RIN2: variants seen among roughly 807,000 people sequenced by gnomAD.
RIN2 encodes Ras and Rab interactor 2.
Under a neutral mutation model 78.0 loss-of-function variants are expected in RIN2, and 36 were observed. The observed-to-expected ratio is 0.46, with a 90% confidence interval of 0.35 to 0.61. The LOEUF (loss-of-function observed/expected upper bound fraction) is 0.61. Ranked by LOEUF, RIN2 falls within the 20% of genes least tolerant of loss-of-function variation. RIN2 has a pLI of 0.00. For missense variants in RIN2, 1,087 were observed against 1,159.7 expected (o/e 0.94, Z 0.91); for synonymous variants, 466 against 466.8 (o/e 1.00, Z 0.02).
chr20:19,805,443 C>G (rs1307086140), intron 2 of RIN2, among the ~76,000 whole-genome samples: 1 of 152,142 alleles, frequency 6.6e-6, no homozygotes, highest in Non-Finnish European at 1.5e-5. Flanking sequence ...ACTCTGTCAC[C>G]CAGGCTGGAG....
At chr20:19,830,842 C>T (rs557769534) in intron 2 of RIN2, among the ~76,000 whole-genome samples, 2 of 152,314 alleles carry the variant, frequency 1.3e-5, no homozygotes, top group South Asian at 4.1e-4. Context: ...CCCAGGGATA[C>T]CCACATCCAG....
At chr20:19,829,132 A>G (rs908075116) in intron 2 of RIN2, among the ~76,000 whole-genome samples, 4 of 152,090 alleles carry the variant, frequency 2.6e-5, no homozygotes, top group African/African-American at 9.7e-5. Context: ...CACCTATATG[A>G]TGGGACGCTT....
chr20:19,908,761 CAG>C (rs760874458), intron 3 of RIN2, among the ~76,000 whole-genome samples: 18 of 152,138 alleles, frequency 1.2e-4, no homozygotes, highest in Non-Finnish European at 2.5e-4. Context: ...CCATTCTGTT[CAG>C]AGATTTGTGG....
chr20:19,806,098 A>AT (rs1276989110), intron 2 of RIN2, among the ~76,000 whole-genome samples: 1 of 151,996 alleles, frequency 6.6e-6, no homozygotes, highest in African/African-American at 2.4e-5. Flanking sequence ...TGTGCACCAC[A>AT]TTTTCTTTAT....
intron 1 of RIN2, among the ~76,000 whole-genome samples, chr20:19,782,215 A>G (rs935428500): frequency 2.0e-5 from 3 of 152,186 alleles, no homozygotes; most frequent in East Asian, 1.9e-4. Context: ...GATCAAGCCT[A>G]TATGTTCCTT....
intron 2 of RIN2, among the ~76,000 whole-genome samples, chr20:19,851,019 AAGG>A (rs1220703600): frequency 1.3e-4 from 16 of 120,156 alleles, no homozygotes; most frequent in African/African-American, 6.1e-4. Context: ...GGAAGGAAGG[AAGG>A]AAGGAAGGAA....
At chr20:19,899,567 A>G (rs1225203598) in intron 3 of RIN2, among the ~76,000 whole-genome samples, 2 of 152,216 alleles carry the variant, frequency 1.3e-5, no homozygotes, top group African/African-American at 2.4e-5. Flanking sequence ...CCTCAAGCTC[A>G]AGGTCACTAT....
rs368726153 is a variant in RIN2 at position 19,862,189 on chromosome 20, AAC to A, written c.-36-27375_-36-27374del. ...CTTGGTAATATGCATATGATACATA[AAC>A]AGTTATACAATAGATATCCATGGTA... On this transcript the variant is annotated intron_variant, in intron 2 of 12. Coordinates refer to ENST00000255006, the MANE Select transcript of RIN2 (RefSeq NM_018993.4). 3.4e-4 allele frequency among the ~76,000 whole-genome samples: 52 copies of A among 152,328 alleles called. No individual in the cohort carries two copies. In the East Asian group the frequency reaches 4.8e-3, roughly 14 times the overall value.
At chr20:19,832,606 T>C (rs1357567740) in intron 2 of RIN2, among the ~76,000 whole-genome samples, 2 of 151,814 alleles carry the variant, frequency 1.3e-5, no homozygotes, top group South Asian at 4.2e-4. Flanking sequence ...GGACAGCCCC[T>C]TCCTTAGTCC....
At chr20:19,821,992 A>G (rs1490534576) in intron 2 of RIN2, among the ~76,000 whole-genome samples, 2 of 152,200 alleles carry the variant, frequency 1.3e-5, no homozygotes, top group African/African-American at 2.4e-5. Flanking sequence ...TAGGCTGCAG[A>G]AGGTAGAACT....
At chr20:19,870,695 T>G (rs767079613) in intron 2 of RIN2, among the ~76,000 whole-genome samples, 53 of 152,226 alleles carry the variant, frequency 3.5e-4, no homozygotes, top group Non-Finnish European at 6.0e-4. Context: ...TTTCTTTGTT[T>G]TTCACGACAT....
At chr20:19,834,805 A>G (rs1025604311) in intron 2 of RIN2, among the ~76,000 whole-genome samples, 2 of 152,078 alleles carry the variant, frequency 1.3e-5, no homozygotes, top group Non-Finnish European at 2.9e-5. Context: ...ACTTGACTCT[A>G]GGCCAGGCAC....
chr20:19,996,764 A>G lies in RIN2; in HGVS notation c.2286A>G (p.Ser762=). 4 of 1,613,296 alleles carry G rather than the reference A, an allele frequency of 2.5e-6. No individual in the cohort carries two copies. The highest frequency in any genetic ancestry group is 3.4e-6 in the Non-Finnish European group (4 of 1,179,576). ...AACAAGCAGCGCGACTGCTCAGCTC[A>G]GAAACCAGAGACACCCTGAGGCAGT... ...QEEQAARLLS[S]ETRDTLRQWH... The change falls in exon 12 of 13, where the codon TCA becomes TCG. Residue 762 remains serine, a synonymous_variant. Coordinates refer to ENST00000255006, the MANE Select transcript of RIN2 (RefSeq NM_018993.4).
At chr20:19,920,154 G>A (rs2039854479) in intron 3 of RIN2, among the ~76,000 whole-genome samples, 1 of 152,054 alleles carries the variant, frequency 6.6e-6, no homozygotes, top group Non-Finnish European at 1.5e-5. Context: ...AAATTAGCCA[G>A]GCATGGTGGC....
At chr20:19,891,616 C>T (rs760513905) in intron 3 of RIN2, among the ~76,000 whole-genome samples, 21 of 152,162 alleles carry the variant, frequency 1.4e-4, no homozygotes, top group South Asian at 6.2e-4. Flanking sequence ...GTCAGGAGTT[C>T]GAGACGAGCC....
At chr20:19,859,658 C>A (rs1017446865) in intron 2 of RIN2, among the ~76,000 whole-genome samples, 2 of 152,232 alleles carry the variant, frequency 1.3e-5, no homozygotes, top group Non-Finnish European at 2.9e-5. Context: ...TCCCACGTGA[C>A]TATCTCCGCA....
chr20:19,890,686 A>AAAAAC (rs2038412607), intron 3 of RIN2, among the ~76,000 whole-genome samples: 1 of 141,488 alleles, frequency 7.1e-6, no homozygotes, highest in Non-Finnish European at 1.5e-5. Context: ...CTACAAAAAA[A>AAAAAC]AAAAAAAAAA....
chr20:19,997,294 G>A (rs765513525), intron 12 of RIN2, among the ~76,000 whole-genome samples: 1 of 152,234 alleles, frequency 6.6e-6, no homozygotes, highest in Non-Finnish European at 1.5e-5. Flanking sequence ...AGCAGCAGCA[G>A]CAACAGCTAT....
At chr20:19,973,686 G>A (rs2042177534) in intron 8 of RIN2, among the ~76,000 whole-genome samples, 1 of 152,174 alleles carries the variant, frequency 6.6e-6, no homozygotes, top group South Asian at 2.1e-4. Context: ...CTACTCGGGA[G>A]GCTGAGGAAG....
Sources: gnomAD v4.1 joint callset for allele counts (sites outside exome capture counted in the v4.1 genomes callset) on GRCh38, gnomAD v4.1.1 for gene constraint, MANE v1.5 for transcripts, NCBI Gene and HGNC (gene_info 2026-07-23, HGNC 2026-07-21) for gene names.